The following PARP9 variants were observed in gnomAD, a reference collection of about 807,000 sequenced individuals.
PARP9 encodes the protein poly(ADP-ribose) polymerase family member 9, also known as protein mono-ADP-ribosyltransferase PARP9.
PARP9 carries 48 observed loss-of-function variants against 68.8 expected under a neutral mutation model. The ratio of observed to expected loss-of-function variants is 0.70; its 90% CI spans 0.55 to 0.89. PARP9 has a LOEUF of 0.89. PARP9 is among the 40% of genes least tolerant of loss of function. The probability of loss-of-function intolerance (pLI) is 0.00; values close to 1 mark genes in which losing one functional copy is unlikely to be tolerated. For synonymous variants in PARP9, 309 were observed against 333.8 expected, an observed-to-expected ratio of 0.93 and a Z score of 0.81; for missense variants, 806 against 969.3, an observed-to-expected ratio of 0.83 and a Z score of 2.24.
At chr3:122,553,078 T>C (rs2079349242) in intron 4 of PARP9, among the ~76,000 whole-genome samples, 1 of 152,214 alleles carries the variant, frequency 6.6e-6, no homozygotes. Flanking sequence ...AATTTCCACC[T>C]TCTAATGTTT....
At chr3:122,548,787 A>T (rs971853956) in intron 6 of PARP9, among the ~76,000 whole-genome samples, 9 of 152,214 alleles carry the variant, frequency 5.9e-5, no homozygotes, top group African/African-American at 1.7e-4. Context: ...GAGGTCACCT[A>T]CAGATGAGCT....
At chr3:122,536,380 G>C (rs928202180) in intron 9 of PARP9, 38 bp from the exon 10 acceptor site, 3 of 1,600,378 alleles carry the variant, frequency 1.9e-6, no homozygotes, top group Admixed American at 1.8e-5. Flanking sequence ...AAAGAGGCTA[G>C]AGAACCGCTC....
intron 5 of PARP9, 76 bp from the exon 6 acceptor site, chr3:122,550,878 A>G (rs1376839121): frequency 4.6e-6 from 6 of 1,308,422 alleles, no homozygotes; most frequent in Admixed American, 2.0e-5. Flanking sequence ...TCCTGCCCAT[A>G]TTTTACAATG....
chr3:122,536,254 C>T lies in PARP9; in HGVS notation c.1994G>A (p.Ser665Asn). 5.0e-6 allele frequency: 8 copies of T among 1,614,210 alleles called. No homozygotes were observed. The highest frequency in any genetic ancestry group is 6.8e-6 in the Non-Finnish European group (8 of 1,180,030). The change falls in exon 10 of 11, where the codon AGC becomes AAC. Residue 665 changes from serine (S) to asparagine (N), a missense_variant. By Grantham distance (46) the Ser-to-Asn change is conservative (BLOSUM62 1). Transcript: ENST00000682323. ...MEEKLHRQPV[S>N]HRLFQQVPYQ... ...TGGGACTTGCTGAAACAGCCTATGG[C>T]TCACAGGTTGCCTGTGCAGTTTTTC...
Position 122,540,750 on chromosome 3 carries a change from T to G in PARP9, c.1487A>C (p.His496Pro). The change falls in exon 8 of 11, where the codon CAC becomes CCC. Residue 496 changes from histidine (H) to proline (P), a missense_variant. His to Pro is a moderately conservative substitution (Grantham distance 77, BLOSUM62 -2). Transcript: ENST00000682323. ...ACTCAGGATTCTTTGGATCCATGCG[T>G]GGGCCTCATACATCTCTTCCACGTT... Reference protein sequence around the residue: ...GFNVEEMYEAHAWIQRILSLQ... With the variant: ...GFNVEEMYEAPAWIQRILSLQ... 6.2e-7 allele frequency: 1 copy of G among 1,614,180 alleles called. No individual in the cohort carries two copies. Among genetic ancestry groups the G allele is most frequent in the Non-Finnish European group, 8.5e-7 (1 of 1,180,030 alleles).
At chr3:122,554,005 C>A (rs534809675) in intron 4 of PARP9, among the ~76,000 whole-genome samples, 65 of 152,290 alleles carry the variant, frequency 4.3e-4, no homozygotes, top group African/African-American at 1.5e-3. Context: ...CCCTTCCCTG[C>A]CAGCATCCTC....
rs1251835175 is a variant in PARP9, at chr3:122,553,277, T to C, written c.886-638A>G. Among the ~76,000 whole-genome samples the C allele has an allele frequency of 3.3e-5, 5 of 152,176 alleles. No homozygotes were observed. In the East Asian group the frequency reaches 9.6e-4, roughly 29 times the overall value. On this transcript the variant is annotated intron_variant, in intron 4 of 10. Coordinates refer to ENST00000682323, the MANE Select transcript of PARP9 (RefSeq NM_001146105.2). ...ATAGACTGTACATATACATGAGCTG[T>C]ACTTTAGATAACATCGTCTCCTAGT...
Position 122,528,377 on chromosome 3 carries a change from C to A in PARP9, c.2447G>T (p.Ser816Ile). The change falls in exon 11 of 11, where the codon AGC becomes ATC. Residue 816 changes from serine (S) to isoleucine (I), a missense_variant. By Grantham distance (142) the Ser-to-Ile change is moderately radical. Around this residue, in one of 2 missense-constraint regions of PARP9, gnomAD observed 680 missense variants for 858.8 expected, o/e 0.79. Transcript: ENST00000682323. ...QHPWRGFASG[S>I]PVD ...ATGATGTAGAGATTAATCAACAGGGCTGCCACTTGCGAATCCCCTCCAAGG... is the reference window on the plus strand; with the variant it reads ...ATGATGTAGAGATTAATCAACAGGGATGCCACTTGCGAATCCCCTCCAAGG... The A allele has an allele frequency of 6.2e-7, 1 of 1,612,772 alleles. No homozygotes were observed. The highest frequency in any genetic ancestry group is 1.1e-5 in the South Asian group (1 of 90,890).
At chr3:122,550,973 T>C (rs1309545574) in intron 5 of PARP9, among the ~76,000 whole-genome samples, 171 bp from the exon 6 acceptor site, 1 of 152,086 alleles carries the variant, frequency 6.6e-6, no homozygotes, top group Non-Finnish European at 1.5e-5. Flanking sequence ...CCCATTATGG[T>C]ATAAGGTTAG....
chr3:122,536,004 C>G, intron 10 of PARP9, 164 bp downstream of exon 10: 1 of 1,514,448 alleles, frequency 6.6e-7, no homozygotes, highest in Admixed American at 2.3e-5. Context: ...AAATACCACT[C>G]TTTCCAAAAT....
At position 122,536,345 on chromosome 3, in the gene PARP9, A is replaced by G. The variant is rs373628830; in HGVS notation, c.1906-3T>C. On this transcript the variant is annotated splice_region_variant and splice_polypyrimidine_tract_variant and intron_variant, in intron 9 of 10. Coordinates refer to ENST00000682323, the MANE Select transcript of PARP9 (RefSeq NM_001146105.2). ...ACCTCATTGTCTATCTTCTCCACCT[A>G]GAACCATAGAAAAGAAAGACTGAAA... 12 of 1,611,524 alleles carry G rather than the reference A, an allele frequency of 7.4e-6. No homozygotes were observed. The highest frequency in any genetic ancestry group is 1.0e-5 in the Non-Finnish European group (12 of 1,179,250).
chr3:122,545,709 C>CA (rs1295218840), intron 6 of PARP9: 1 of 538,908 alleles, frequency 1.9e-6, no homozygotes, highest in Non-Finnish European at 3.3e-6. Flanking sequence ...GAGATGAAAT[C>CA]AAAATCTGGT....
intron 9 of PARP9, chr3:122,536,596 G>T: frequency 1.7e-6 from 1 of 600,472 alleles, no homozygotes; most frequent in Non-Finnish European, 2.8e-6. Context: ...CATAGTCTCT[G>T]CCCTCTTAAG....
intron 7 of PARP9, among the ~76,000 whole-genome samples, chr3:122,543,325 T>C (rs1455511211): frequency 2.0e-5 from 3 of 152,074 alleles, no homozygotes; most frequent in African/African-American, 7.2e-5. Context: ...TTGCTCAGGC[T>C]GGAGTGCAAT....
At chr3:122,563,637 T>G (rs1051458876) in intron 1 of PARP9, among the ~76,000 whole-genome samples, 2 of 152,020 alleles carry the variant, frequency 1.3e-5, no homozygotes, top group African/African-American at 4.8e-5. Flanking sequence ...TCTCCTCTCC[T>G]CCCAGGCCCC....
chr3:122,531,562 C>T (rs1465056323), intron 10 of PARP9, among the ~76,000 whole-genome samples: 1 of 152,140 alleles, frequency 6.6e-6, no homozygotes. Context: ...TCGAGACCAG[C>T]CTGGCCAACA....
chr3:122,530,775 T>TA (rs1559795856), intron 10 of PARP9, among the ~76,000 whole-genome samples: 1 of 152,160 alleles, frequency 6.6e-6, no homozygotes, highest in Non-Finnish European at 1.5e-5. Flanking sequence ...ACATGTCGTT[T>TA]AAAACTTCCA....
chr3:122,539,507 A>ATTTCTTTTTCTTTCTTTC (rs2077941702), intron 8 of PARP9, among the ~76,000 whole-genome samples: 1 of 133,162 alleles, frequency 7.5e-6, no homozygotes, highest in African/African-American at 2.9e-5. Context: ...CCAAGATGGC[A>ATTTCTTTTTCTTTCTTTC]TTTCTTTCTT....
upstream of PARP9, chr3:122,564,570 C>G: frequency 6.2e-7 from 1 of 1,605,616 alleles, no homozygotes; most frequent in Non-Finnish European, 8.5e-7. Context: ...CCCAGGAACA[C>G]GAAGCCCCGG....
Sources: allele counts gnomAD v4.1 joint callset (sites outside exome capture counted in the v4.1 genomes callset), GRCh38; gene constraint gnomAD v4.1.1; regional missense constraint gnomAD v4.1.1; transcripts MANE v1.5; gene names NCBI Gene and HGNC (gene_info 2026-07-23, HGNC 2026-07-21).